Variants in PDXDC1 observed in about 807,000 individuals in gnomAD.
PDXDC1 encodes pyridoxal dependent decarboxylase domain containing 1.
A neutral mutation model predicts 100.1 loss-of-function variants in PDXDC1; 42 were observed. That is an observed-to-expected ratio of 0.42 (90% CI 0.33 to 0.54). The LOEUF is 0.54. PDXDC1 is among the 20% of genes least tolerant of loss of function. PDXDC1 has a pLI of 0.10. For synonymous variants in PDXDC1, 260 were observed against 371.7 expected (o/e 0.70, Z 3.46); for missense variants, 636 against 979.2 (o/e 0.65, Z 4.68).
At chr16:15,102,502 GAA>G (rs2046592806) in intron 16 of PDXDC1, among the ~76,000 whole-genome samples, 1 of 149,764 alleles carries the variant, frequency 6.7e-6, no homozygotes, top group South Asian at 2.1e-4. Context: ...ATCACTCCAG[GAA>G]GAGAGAGGAG....
chr16:15,092,127 C>T (rs1327867738), intron 16 of PDXDC1, among the ~76,000 whole-genome samples: 4 of 152,024 alleles, frequency 2.6e-5, no homozygotes, highest in African/African-American at 4.8e-5. Context: ...TGCAGTGAGC[C>T]GAGGTCACGC....
At chr16:15,040,427 C>T (rs2043761916), downstream of PDXDC1, 1 of 227,442 alleles carries the variant, frequency 4.4e-6, no homozygotes, top group Non-Finnish European at 8.5e-6. Context: ...TGAATCTTCA[C>T]AATTTAGTAT....
intron 16 of PDXDC1, chr16:15,085,579 A>G: frequency 6.3e-7 from 1 of 1,590,008 alleles, no homozygotes. Flanking sequence ...TGGCTTCCCA[A>G]AGTGCTGGGA....
At position 15,019,102 on chromosome 16, in the gene PDXDC1, G is replaced by T. The variant is rs576656375; in HGVS notation, c.1089+137G>T. ...TCGTGAGCCAGAGACTAATCGCCCT[G>T]CATGTAAATATTTCTTGTTCAAAGT... On this transcript the variant is annotated intron_variant, in intron 12 of 22. Transcript: ENST00000396410. 3.6e-4 allele frequency: 437 copies of T among 1,218,016 alleles called. No individual in the cohort carries two copies. In the African/African-American group the frequency reaches 6.1e-3, roughly 17 times the overall value. The allele number at this position is 1,218,016 out of a possible 1,614,324, so 75.5% of individuals were successfully genotyped here. A position where few individuals can be genotyped will look rare whatever the true frequency, so the allele number is the denominator to read the frequency against.
intron 16 of PDXDC1, chr16:15,125,149 C>A (rs1393722524): frequency 7.5e-6 from 3 of 398,138 alleles, no homozygotes; most frequent in Non-Finnish European, 1.3e-5. Context: ...GAGACTCTGT[C>A]TCAAAAAAAA....
At chr16:15,127,363 T>A (rs1168707911) in intron 16 of PDXDC1, 1 of 787,568 alleles carries the variant, frequency 1.3e-6, no homozygotes, top group Admixed American at 2.0e-5. Context: ...CAGCCTTTGG[T>A]GGACGCCTTT....
chr16:15,025,241 T>G (rs2042502201), intron 13 of PDXDC1: 1 of 152,378 alleles, frequency 6.6e-6, no homozygotes, highest in Non-Finnish European at 1.5e-5. Context: ...CATTGACATT[T>G]GAGACCACTG....
In PDXDC1 at chr16:15,083,792, C is replaced by T. The variant is rs2045801799; in HGVS notation, c.1399+53736C>T. ...AGTGCAGTGGCGCAATCTCAGCTCA[C>T]TGCAACCTCCGCCTCCCAGGTTCAA... On this transcript the variant is annotated intron_variant, in intron 16 of 16. Transcript: ENST00000535621. 5.5e-5 allele frequency: 26 copies of T among 474,316 alleles called. 1 individual carries two copies. The South Asian group carries it at 5.7e-4, about 10-fold the overall frequency. The allele number at this position is 474,316 out of a possible 1,614,324, so 29.4% of individuals were successfully genotyped here. A position where few individuals can be genotyped will look rare whatever the true frequency, so the allele number is the denominator to read the frequency against.
At chr16:14,995,740 G>A (rs1971827075) in intron 1 of PDXDC1, among the ~76,000 whole-genome samples, 1 of 152,276 alleles carries the variant, frequency 6.6e-6, no homozygotes, top group Non-Finnish European at 1.5e-5. Context: ...TTTTACCTCT[G>A]GTAGAATTTG....
At chr16:15,080,350 A>G (rs1398249146) in intron 16 of PDXDC1, among the ~76,000 whole-genome samples, 7 of 152,226 alleles carry the variant, frequency 4.6e-5, no homozygotes, top group African/African-American at 1.4e-4. Context: ...TAAAACTCAT[A>G]TATCATACAA....
chr16:15,150,543 C>T, the PDXDC1 span, among the ~76,000 whole-genome samples: 2 of 149,454 alleles, frequency 1.3e-5, no homozygotes, highest in African/African-American at 5.0e-5. Flanking sequence ...GTGGCGCGCG[C>T]CTGTAATCCC....
chr16:15,055,845 C>G (rs2044490181), intron 16 of PDXDC1: 4 of 1,060,484 alleles, frequency 3.8e-6, no homozygotes, highest in Non-Finnish European at 4.8e-6. Flanking sequence ...CGCCCTGCAG[C>G]TTCCCCTCGG....
chr16:15,004,403 G>A, intron 5 of PDXDC1, 70 bp downstream of exon 5: 1 of 1,578,388 alleles, frequency 6.3e-7, no homozygotes, highest in Non-Finnish European at 8.6e-7. Flanking sequence ...CTTTTTTCTG[G>A]AGCTGTACTA....
At chr16:15,056,465 GCATT>G (rs1018167348) in intron 16 of PDXDC1, among the ~76,000 whole-genome samples, 1 of 152,198 alleles carries the variant, frequency 6.6e-6, no homozygotes, top group Non-Finnish European at 1.5e-5. Flanking sequence ...CCGTAGGATT[GCATT>G]CAATGAGTAA....
At chr16:15,031,486 A>G (rs946437507) in intron 16 of PDXDC1, among the ~76,000 whole-genome samples, 1 of 152,020 alleles carries the variant, frequency 6.6e-6, no homozygotes, top group Non-Finnish European at 1.5e-5. Flanking sequence ...GATTTCTAAC[A>G]CTGGAGTATG....
intron 16 of PDXDC1, among the ~76,000 whole-genome samples, chr16:15,129,670 G>C (rs1234936773): frequency 6.6e-6 from 1 of 152,162 alleles, no homozygotes; most frequent in Non-Finnish European, 1.5e-5. Context: ...CACCCTGACT[G>C]ACTGGCACCT....
At chr16:15,043,876 A>T (rs1384745580) in intron 16 of PDXDC1, among the ~76,000 whole-genome samples, 1 of 152,126 alleles carries the variant, frequency 6.6e-6, no homozygotes, top group Non-Finnish European at 1.5e-5. Context: ...TGAACCCAGG[A>T]GGCAGAGCTT....
intron 16 of PDXDC1, among the ~76,000 whole-genome samples, chr16:15,090,879 T>G (rs959756684): frequency 6.6e-6 from 1 of 151,888 alleles, no homozygotes; most frequent in East Asian, 1.9e-4. Flanking sequence ...GTTTGTTTTT[T>G]TTTTTTTTTT....
intron 16 of PDXDC1, chr16:15,108,290 G>C (rs2046887145): frequency 1.1e-6 from 1 of 937,404 alleles, no homozygotes; most frequent in Non-Finnish European, 1.3e-6. Flanking sequence ...TGGTTTTATA[G>C]GAAGGATGTA....
Sources: gnomAD v4.1 joint callset for allele counts (sites outside exome capture counted in the v4.1 genomes callset) on GRCh38, gnomAD v4.1.1 for gene constraint, MANE v1.5 for transcripts, NCBI Gene and HGNC (gene_info 2026-07-23, HGNC 2026-07-21) for gene names.